MAML2: variants seen among roughly 807,000 people sequenced by gnomAD.
MAML2 encodes mastermind-like protein 2.
In MAML2, 22 loss-of-function variants were observed where a neutral mutation model predicts 96.1. The observed-to-expected ratio is 0.23, with a 90% confidence interval of 0.16 to 0.33. The LOEUF is 0.33. Ranked by LOEUF, MAML2 falls within the 10% of genes least tolerant of loss-of-function variation. The probability of loss-of-function intolerance (pLI) is 1.00; values close to 1 mark genes in which losing one functional copy is unlikely to be tolerated. For missense variants in MAML2, 1,367 were observed against 1,392.4 expected, an observed-to-expected ratio of 0.98 and a Z score of 0.29; for synonymous variants, 561 against 521.3, an observed-to-expected ratio of 1.08 and a Z score of -1.04.
rs5793784 is a variant in MAML2 at position 96,169,659 on chromosome 11, C to CTTTTTTT, written c.514-76149_514-76143dup. Among the ~76,000 whole-genome samples, 8 of 144,956 alleles carry CTTTTTTT rather than the reference C, an allele frequency of 5.5e-5. No homozygotes were observed. In the East Asian group the frequency reaches 6.0e-4, roughly 11 times the overall value. On this transcript the variant is annotated intron_variant, in intron 1 of 4. Coordinates refer to ENST00000524717, the MANE Select transcript of MAML2 (RefSeq NM_032427.4). ...AAAGACAAACAGAAAAGAAAGTAAA[C>CTTTTTTT]TTTTTTTTTTTTTTGAGATGGAGTC...
intron 1 of MAML2, among the ~76,000 whole-genome samples, chr11:96,202,869 C>G (rs979893264): frequency 1.3e-5 from 2 of 152,168 alleles, no homozygotes; most frequent in Non-Finnish European, 2.9e-5. Context: ...CTCAGGTGAT[C>G]TATCCGCCTC....
intron 1 of MAML2, among the ~76,000 whole-genome samples, chr11:96,130,820 G>A (rs920053101): frequency 6.6e-6 from 1 of 150,752 alleles, no homozygotes; most frequent in South Asian, 2.1e-4. Context: ...TTTAAAAAAT[G>A]GAACTAAAAT....
intron 1 of MAML2, among the ~76,000 whole-genome samples, chr11:96,299,057 A>AT (rs1206619228): frequency 0.039 from 2,476 of 62,822 alleles, 26 homozygotes; most frequent in South Asian, 0.13. Flanking sequence ...AAAAAAAAAA[A>AT]AAAATATATA....
chr11:96,231,043 C>G (rs1452867330), intron 1 of MAML2, among the ~76,000 whole-genome samples: 1 of 151,218 alleles, frequency 6.6e-6, no homozygotes. Context: ...TATTTAATGA[C>G]AAGCGAATAG....
At chr11:96,221,987 T>C (rs1862147027) in intron 1 of MAML2, among the ~76,000 whole-genome samples, 1 of 152,168 alleles carries the variant, frequency 6.6e-6, no homozygotes, top group African/African-American at 2.4e-5. Context: ...AGTTTCCGTT[T>C]CTACTTTGTC....
At chr11:95,986,249 G>C (rs1262490484) in intron 3 of MAML2, among the ~76,000 whole-genome samples, 1 of 152,174 alleles carries the variant, frequency 6.6e-6, no homozygotes, top group African/African-American at 2.4e-5. Context: ...CTGTCACCCA[G>C]AGTGGAGTGC....
intron 1 of MAML2, among the ~76,000 whole-genome samples, chr11:96,323,509 C>T (rs906340459): frequency 2.7e-5 from 4 of 150,464 alleles, no homozygotes; most frequent in African/African-American, 7.3e-5. Flanking sequence ...CATCTGCATG[C>T]TCAGAGATAA....
chr11:96,212,107 AAGTGTGTG>A (rs1470008963), intron 1 of MAML2, among the ~76,000 whole-genome samples: 1 of 92,274 alleles, frequency 1.1e-5, no homozygotes, highest in Non-Finnish European at 2.1e-5. Flanking sequence ...AAGGAAGACA[AAGTGTGTG>A]TGTGTGTGTG....
intron 3 of MAML2, among the ~76,000 whole-genome samples, chr11:95,987,442 A>T (rs1282321985): frequency 1.3e-5 from 2 of 152,160 alleles, no homozygotes; most frequent in African/African-American, 4.8e-5. Context: ...CTTCACTGCA[A>T]TTTTGTATGC....
intron 1 of MAML2, among the ~76,000 whole-genome samples, chr11:96,129,815 T>C (rs887269209): frequency 6.6e-6 from 1 of 152,176 alleles, no homozygotes; most frequent in Non-Finnish European, 1.5e-5. Context: ...TGTGTTCCCA[T>C]CTTTATGTCC....
chr11:96,128,448 CTTTG>C lies in MAML2; in HGVS notation c.514-34935_514-34932del, dbSNP rs556205385. Among the ~76,000 whole-genome samples the C allele has an allele frequency of 7.2e-4, 109 of 152,220 alleles. 3 individuals carry two copies. Among genetic ancestry groups the C allele is most frequent in the Non-Finnish European group, 1.3e-4 (9 of 68,010 alleles). Reference sequence around the variant, plus strand: ...CACACCAAATCTTGAGAAGGAAGGCCTTTGTTTGTTTCATCATTTGCTTATTGGT... The same window carrying C: ...CACACCAAATCTTGAGAAGGAAGGCCTTTGTTTCATCATTTGCTTATTGGT... On this transcript the variant is annotated intron_variant, in intron 1 of 4. Transcript: ENST00000524717.
chr11:96,178,879 A>T (rs1861436647), intron 1 of MAML2, among the ~76,000 whole-genome samples: 1 of 152,188 alleles, frequency 6.6e-6, no homozygotes, highest in South Asian at 2.1e-4. Flanking sequence ...TGGCATGGCT[A>T]TTGGGGGAAG....
At chr11:96,322,647 G>A (rs532310566) in intron 1 of MAML2, among the ~76,000 whole-genome samples, 8 of 152,242 alleles carry the variant, frequency 5.3e-5, no homozygotes, top group South Asian at 2.1e-4. Context: ...AGCCGAGATC[G>A]CGCCACTGCA....
chr11:96,061,899 T>C (rs1037198275), intron 2 of MAML2, among the ~76,000 whole-genome samples: 17 of 152,132 alleles, frequency 1.1e-4, no homozygotes, highest in Non-Finnish European at 2.4e-4. Flanking sequence ...CCAAGTAAGG[T>C]GAATCAGATG....
chr11:96,084,271 T>A (rs937141653), intron 2 of MAML2, among the ~76,000 whole-genome samples: 16 of 152,126 alleles, frequency 1.1e-4, no homozygotes, highest in African/African-American at 3.4e-4. Context: ...TTGGACTTTC[T>A]CCTGAGAAAA....
chr11:96,341,757 A>T lies in MAML2; in HGVS notation c.139T>A (p.Cys47Ser). ...VERLRARIAVCRQHHLSCEGR... is the reference protein window; with the variant it reads ...VERLRARIAVSRQHHLSCEGR... ...TCACAGCTCAGGTGGTGTTGGCGGC[A>T]GACAGCGATCCGAGCCCGGAGGCGC... The change falls in exon 1 of 5, where the codon TGC becomes AGC. Residue 47 changes from cysteine to serine, a missense_variant. Transcript: ENST00000524717. 4 of 1,612,938 alleles carry T rather than the reference A, an allele frequency of 2.5e-6. No homozygotes were observed. Among genetic ancestry groups the T allele is most frequent in the Non-Finnish European group, 3.4e-6 (4 of 1,179,712 alleles).
At chr11:96,102,060 A>T (rs1859941747) in intron 1 of MAML2, among the ~76,000 whole-genome samples, 1 of 152,176 alleles carries the variant, frequency 6.6e-6, no homozygotes, top group African/African-American at 2.4e-5. Context: ...ACGGATCACC[A>T]GGTCAGGAGA....
chr11:96,203,530 G>C (rs935320633), intron 1 of MAML2, among the ~76,000 whole-genome samples: 1 of 152,088 alleles, frequency 6.6e-6, no homozygotes, highest in Admixed American at 6.5e-5. Context: ...ATATAAGTCA[G>C]CCGGCAAGCT....
intron 2 of MAML2, among the ~76,000 whole-genome samples, chr11:96,068,704 C>T (rs1025886422): frequency 2.6e-4 from 40 of 151,934 alleles, no homozygotes; most frequent in Admixed American, 2.4e-3. Flanking sequence ...GTGGCAGGCA[C>T]CTGTAGTCCC....
Sources: allele counts gnomAD v4.1 joint callset (sites outside exome capture counted in the v4.1 genomes callset), GRCh38; gene constraint gnomAD v4.1.1; transcripts MANE v1.5; gene names NCBI Gene and HGNC (gene_info 2026-07-23, HGNC 2026-07-21).